Variants in PAM observed in about 807,000 individuals in gnomAD.
PAM encodes peptidyl-glycine alpha-amidating monooxygenase.
In PAM, 72 loss-of-function variants were observed where a neutral mutation model predicts 122.1. The observed-to-expected ratio is 0.59, with a 90% CI of 0.49 to 0.72. The LOEUF is 0.72. Ranked by LOEUF, PAM falls within the 30% of genes least tolerant of loss-of-function variation. The pLI is 0.00. For missense variants in PAM, 1,106 were observed against 1,183.7 expected, an observed-to-expected ratio of 0.93 and a Z score of 0.96; for synonymous variants, 389 against 404.4, an observed-to-expected ratio of 0.96 and a Z score of 0.46.
chr5:102,849,686 T>C (rs940340638), intron 1 of PAM, among the ~76,000 whole-genome samples: 1 of 152,168 alleles, frequency 6.6e-6, no homozygotes, highest in Non-Finnish European at 1.5e-5. Context: ...AACCAAAAAT[T>C]GTGATATGAA....
Position 103,009,798 on chromosome 5 carries a change from C to T in PAM, c.2263C>T (p.Pro755Ser). The T allele has an allele frequency of 6.2e-7, 1 of 1,612,600 alleles. No homozygotes were observed. The highest frequency in any genetic ancestry group is 8.5e-7 in the Non-Finnish European group (1 of 1,178,862). ...NGKPHFGDQE[P>S]VQGFVMNFSN... is the part of the protein sequence containing the mutation. The stretch of plus-strand genomic sequence containing the variant: ...GAAGCCTCATTTTGGGGACCAAGAA[C>T]CTGTACAAGGATTTGTGATGAACTT... Residue 755 changes from proline to serine, a missense_variant, in exon 21 of 26, where the codon CCT becomes TCT. By Grantham distance (74) the Pro-to-Ser change is moderately conservative. Around this residue, in one of 3 missense-constraint regions of PAM, gnomAD observed 333 missense variants for 335.6 expected, o/e 0.99. Coordinates refer to ENST00000438793, the MANE Select transcript of PAM (RefSeq NM_001177306.2).
At position 102,904,769 on chromosome 5, in the gene PAM, T is replaced by C. The variant is rs544717730; in HGVS notation, c.268+3356T>C. ...ACAATACAATTTACATTATTAATAC[T>C]AGGACAGACTCTCTTGATGGCATTA... On this transcript the variant is annotated intron_variant, in intron 4 of 25. Coordinates refer to ENST00000438793, the MANE Select transcript of PAM (RefSeq NM_001177306.2). Among the ~76,000 whole-genome samples the C allele has an allele frequency of 2.6e-5, 4 of 151,744 alleles. No homozygotes were observed. The East Asian group carries it at 7.8e-4, about 30-fold the overall frequency.
chr5:102,989,213 C>A (rs1773207769), intron 15 of PAM, among the ~76,000 whole-genome samples: 1 of 152,116 alleles, frequency 6.6e-6, no homozygotes, highest in South Asian at 2.1e-4. Flanking sequence ...AAGGGATTAA[C>A]ACAAGTGAGG....
At chr5:103,016,235 T>A (rs1455361557) in intron 21 of PAM, among the ~76,000 whole-genome samples, 1 of 152,180 alleles carries the variant, frequency 6.6e-6, no homozygotes, top group Non-Finnish European at 1.5e-5. Flanking sequence ...AACTTGATGA[T>A]TTCTAAAGTA....
chr5:102,866,371 G>A (rs1302103215), intron 2 of PAM, 87 bp downstream of exon 2: 1 of 832,640 alleles, frequency 1.2e-6, no homozygotes. Flanking sequence ...CAAAATAGAC[G>A]GGGTTGATGT....
At chr5:102,969,701 A>T (rs190008200) in intron 14 of PAM, among the ~76,000 whole-genome samples, 2 of 152,246 alleles carry the variant, frequency 1.3e-5, no homozygotes, top group East Asian at 3.9e-4. Context: ...TGGCGAGAAG[A>T]TTAAGAGCTC....
intron 4 of PAM, among the ~76,000 whole-genome samples, chr5:102,908,426 T>C (rs1445786161): frequency 2.6e-5 from 4 of 151,976 alleles, no homozygotes; most frequent in Non-Finnish European, 4.4e-5. Context: ...AGCTTTGTTC[T>C]TTTGGCTTAG....
chr5:102,832,306 T>C (rs1775697876), intron 1 of PAM, among the ~76,000 whole-genome samples: 1 of 152,118 alleles, frequency 6.6e-6, no homozygotes, highest in Admixed American at 6.6e-5. Context: ...AAGCTGGTCA[T>C]TGTAGTTTCA....
intron 12 of PAM, among the ~76,000 whole-genome samples, chr5:102,954,523 ATAT>A (rs1760088251): frequency 1.3e-5 from 2 of 151,534 alleles, no homozygotes; most frequent in South Asian, 2.1e-4. Context: ...TTTTACCCAT[ATAT>A]TATATTTATT....
chr5:103,027,315 A>G (rs1785229815), intron 24 of PAM, among the ~76,000 whole-genome samples: 2 of 152,154 alleles, frequency 1.3e-5, no homozygotes, highest in South Asian at 2.1e-4. Context: ...CTTCTTGCCT[A>G]TTTCTTTCCA....
chr5:102,867,611 A>T (rs1734770282), intron 3 of PAM, among the ~76,000 whole-genome samples: 1 of 152,180 alleles, frequency 6.6e-6, no homozygotes, highest in Non-Finnish European at 1.5e-5. Flanking sequence ...TACTTATATT[A>T]TCATTTGTGG....
rs1582633311 is a variant in PAM, at chr5:102,990,253, G to A, written c.1484-19G>A. On this transcript the variant is annotated intron_variant, in intron 15 of 25. Coordinates refer to ENST00000438793, the MANE Select transcript of PAM (RefSeq NM_001177306.2). ...TCGACCTTTCCCTTTTACACTAAATGTGTGGATATATCTTTTAGATTTCCA... is the reference window on the plus strand; with the variant it reads ...TCGACCTTTCCCTTTTACACTAAATATGTGGATATATCTTTTAGATTTCCA... 2.0e-6 allele frequency: 3 copies of A among 1,516,382 alleles called. No homozygotes were observed. 93.9% of individuals were successfully genotyped at this position (1,516,382 alleles called of 1,614,324 possible). A position where few individuals can be genotyped will look rare whatever the true frequency, so the allele number is the denominator to read the frequency against.
chr5:102,826,185 A>T (rs964675462), intron 1 of PAM, among the ~76,000 whole-genome samples: 1 of 151,874 alleles, frequency 6.6e-6, no homozygotes, highest in Non-Finnish European at 1.5e-5. Flanking sequence ...TATTTTTTTA[A>T]CTTACTTAAA....
At chr5:102,882,522 C>CTTTTGAGAATTG (rs1426585042) in intron 3 of PAM, among the ~76,000 whole-genome samples, 2 of 151,702 alleles carry the variant, frequency 1.3e-5, no homozygotes, top group African/African-American at 4.8e-5. Context: ...TGTATATATT[C>CTTTTGAGAATTG]TTTTGAGAAT....
intron 2 of PAM, among the ~76,000 whole-genome samples, chr5:102,866,996 TC>T (rs1373572573): frequency 6.6e-6 from 1 of 152,234 alleles, no homozygotes; most frequent in Non-Finnish European, 1.5e-5. Context: ...TTATAAATTT[TC>T]AATAAAAACA....
intron 1 of PAM, among the ~76,000 whole-genome samples, chr5:102,781,545 C>A (rs531153767): frequency 1.3e-5 from 2 of 152,324 alleles, no homozygotes; most frequent in Admixed American, 1.3e-4. Flanking sequence ...GACTTTAATG[C>A]ATGGCTTTGG....
chr5:102,837,058 A>G, intron 1 of PAM, among the ~76,000 whole-genome samples: 1 of 152,090 alleles, frequency 6.6e-6, no homozygotes, highest in Non-Finnish European at 1.5e-5. Context: ...ACCACTTTCC[A>G]TCTGCCCAGA....
rs148269891 is a variant in PAM, at chr5:102,918,504, C to A, written c.356+4483C>A. Among the ~76,000 whole-genome samples, 3 of 151,762 alleles carry A rather than the reference C, an allele frequency of 2.0e-5. No homozygotes were observed. The East Asian group carries it at 5.8e-4, about 29-fold the overall frequency. ...TAAGTAAATTTTTATATTTAAATTA[C>A]CCAGTTTAATTTAAAGTAAGTAAAT... On this transcript the variant is annotated intron_variant, in intron 5 of 25. Coordinates refer to ENST00000438793, the MANE Select transcript of PAM (RefSeq NM_001177306.2).
At chr5:102,937,829 A>C (rs1019636183) in intron 7 of PAM, among the ~76,000 whole-genome samples, 1 of 151,790 alleles carries the variant, frequency 6.6e-6, no homozygotes, top group African/African-American at 2.4e-5. Flanking sequence ...CAAGTAATAG[A>C]GTCACTGTTT....
Sources: allele counts gnomAD v4.1 joint callset (sites outside exome capture counted in the v4.1 genomes callset), GRCh38; gene constraint gnomAD v4.1.1; regional missense constraint gnomAD v4.1.1; transcripts MANE v1.5; gene names NCBI Gene and HGNC (gene_info 2026-07-23, HGNC 2026-07-21).